SLCO5A1: variants seen among roughly 807,000 people sequenced by gnomAD.
The protein encoded by SLCO5A1 is solute carrier organic anion transporter family member 5A1.
Under a neutral mutation model 65.1 loss-of-function variants are expected in SLCO5A1, and 39 were observed. The ratio of observed to expected loss-of-function variants is 0.60; its 90% CI spans 0.46 to 0.78. The LOEUF (loss-of-function observed/expected upper bound fraction) is 0.78, where lower values mean the gene tolerates loss of function less well. SLCO5A1 is among the 30% of genes least tolerant of loss of function. The pLI is 0.00. For missense variants in SLCO5A1, 1,029 were observed against 1,069.4 expected (o/e 0.96, Z 0.53); for synonymous variants, 438 against 415.7 (o/e 1.05, Z -0.65).
At chr8:69,794,898 G>T (rs1819426962) in intron 2 of SLCO5A1, among the ~76,000 whole-genome samples, 1 of 152,180 alleles carries the variant, frequency 6.6e-6, no homozygotes, top group Non-Finnish European at 1.5e-5. Context: ...GGAGAAGCTG[G>T]TTCTTCACAT....
chr8:69,712,326 T>C (rs1815305088), intron 5 of SLCO5A1, among the ~76,000 whole-genome samples: 1 of 152,248 alleles, frequency 6.6e-6, no homozygotes, highest in South Asian at 2.1e-4. Flanking sequence ...GTTTTTATTC[T>C]GGACCCCAAT....
chr8:69,785,176 AT>A (rs1457575967), intron 2 of SLCO5A1, among the ~76,000 whole-genome samples: 4 of 152,140 alleles, frequency 2.6e-5, no homozygotes, highest in Non-Finnish European at 4.4e-5. Flanking sequence ...ACAAATTAAA[AT>A]ACATGTTCAC....
At chr8:69,749,242 C>A (rs1318857704) in intron 4 of SLCO5A1, among the ~76,000 whole-genome samples, 1 of 152,198 alleles carries the variant, frequency 6.6e-6, no homozygotes, top group Non-Finnish European at 1.5e-5. Flanking sequence ...TAGTTCCTCT[C>A]CCCATTATCT....
At chr8:69,740,126 A>T (rs1315765561) in intron 4 of SLCO5A1, among the ~76,000 whole-genome samples, 1 of 152,234 alleles carries the variant, frequency 6.6e-6, no homozygotes, top group African/African-American at 2.4e-5. Flanking sequence ...TTTATTAAAA[A>T]AGTCTGCTGT....
intron 2 of SLCO5A1, among the ~76,000 whole-genome samples, chr8:69,821,803 C>T (rs1485369752): frequency 1.0e-5 from 1 of 95,794 alleles, no homozygotes; most frequent in African/African-American, 5.0e-5. Context: ...GAGACTTTGT[C>T]TCAAAAAAAA....
chr8:69,808,868 GC>G (rs1335512401), intron 2 of SLCO5A1, among the ~76,000 whole-genome samples: 5 of 152,184 alleles, frequency 3.3e-5, no homozygotes, highest in Admixed American at 3.3e-4. Context: ...ACTTTGGGAG[GC>G]CGAGGCAGGT....
chr8:69,765,344 A>G (rs1818013016), intron 2 of SLCO5A1, among the ~76,000 whole-genome samples: 2 of 151,942 alleles, frequency 1.3e-5, no homozygotes, highest in African/African-American at 4.8e-5. Context: ...TATTACAGTT[A>G]TATAAGAATG....
chr8:69,732,976 A>G (rs150764683), intron 5 of SLCO5A1, among the ~76,000 whole-genome samples: 1 of 152,008 alleles, frequency 6.6e-6, no homozygotes, highest in Non-Finnish European at 1.5e-5. Context: ...TTTGCCTTTC[A>G]GCAAGTTACT....
rs2380581 is a variant in SLCO5A1, at chr8:69,715,992, G to A, written c.1424-10763C>T. 5.9e-5 allele frequency among the ~76,000 whole-genome samples: 9 copies of A among 151,748 alleles called. No homozygotes were observed. In the East Asian group the frequency reaches 1.7e-3, roughly 29 times the overall value. On this transcript the variant is annotated intron_variant, in intron 5 of 9. Coordinates refer to ENST00000260126, the MANE Select transcript of SLCO5A1 (RefSeq NM_030958.3). ...ATCACACCCAGCCCTCCCTTGCCCC[G>A]CACTGCTCCAGCCCGAGACAATCAC...
rs78047178 is a variant in SLCO5A1 at position 69,712,755 on chromosome 8, C to T, written c.1424-7526G>A. On this transcript the variant is annotated intron_variant, in intron 5 of 9. Coordinates refer to ENST00000260126, the MANE Select transcript of SLCO5A1 (RefSeq NM_030958.3). ...TTTCAGTATCCTCCTATTTATTTAG[C>T]ACTGACCAACGCCTAGTGTGTGTTT... 1.1e-3 allele frequency among the ~76,000 whole-genome samples: 168 copies of T among 152,288 alleles called. No homozygotes were observed. In the East Asian group the frequency reaches 0.022, roughly 20 times the overall value.
chr8:69,682,331 G>A lies in SLCO5A1; in HGVS notation c.1635C>T (p.Thr545=). 10 of 1,603,118 alleles carry A rather than the reference G, an allele frequency of 6.2e-6. No individual in the cohort carries two copies. The highest frequency in any genetic ancestry group is 1.1e-5 in the South Asian group (1 of 88,884). Residue 545 remains threonine, a synonymous_variant, in exon 7 of 10, where the codon ACC becomes ACT. Coordinates refer to ENST00000260126, the MANE Select transcript of SLCO5A1 (RefSeq NM_030958.3). ...NIPYTTGPSL[T]MPHRNLTGSC... ...TTCCTGTCAGATTCCTATGGGGCAT[G>A]GTGAGAGAAGGTCTAAGAGAGAAGA...
intron 6 of SLCO5A1, among the ~76,000 whole-genome samples, chr8:69,691,031 G>T (rs1039469079): frequency 2.6e-5 from 4 of 152,090 alleles, no homozygotes; most frequent in Non-Finnish European, 5.9e-5. Context: ...TGAAGAAAAG[G>T]CAGAGTGAGG....
At chr8:69,808,308 ATCT>A (rs1447981362) in intron 2 of SLCO5A1, among the ~76,000 whole-genome samples, 1 of 151,766 alleles carries the variant, frequency 6.6e-6, no homozygotes, top group Non-Finnish European at 1.5e-5. Flanking sequence ...GTTTTTCCTG[ATCT>A]TCTCCCTCCT....
intron 6 of SLCO5A1, among the ~76,000 whole-genome samples, chr8:69,684,302 G>A (rs886548586): frequency 7.9e-5 from 12 of 152,260 alleles, no homozygotes; most frequent in South Asian, 4.2e-4. Flanking sequence ...GGTGCTACGG[G>A]CATCTAATGG....
intron 2 of SLCO5A1, among the ~76,000 whole-genome samples, chr8:69,806,780 T>C (rs1352697483): frequency 2.0e-5 from 3 of 152,226 alleles, no homozygotes; most frequent in Non-Finnish European, 2.9e-5. Context: ...GGCAGACAAT[T>C]GTGCAACTCA....
At chr8:69,688,737 T>C (rs1054075620) in intron 6 of SLCO5A1, among the ~76,000 whole-genome samples, 31 of 152,296 alleles carry the variant, frequency 2.0e-4, no homozygotes, top group African/African-American at 7.0e-4. Context: ...CAGTCTATCA[T>C]TGTTGGACAT....
intron 2 of SLCO5A1, among the ~76,000 whole-genome samples, chr8:69,820,460 G>A (rs1347050963): frequency 6.6e-6 from 1 of 152,112 alleles, no homozygotes; most frequent in Non-Finnish European, 1.5e-5. Context: ...ATCTTTCATT[G>A]TATATATCAC....
intron 2 of SLCO5A1, among the ~76,000 whole-genome samples, chr8:69,775,553 A>C (rs76088342): frequency 0.021 from 3,235 of 152,354 alleles, 58 homozygotes; most frequent in Non-Finnish European, 0.032. Flanking sequence ...GTTATCAGGA[A>C]GGCATGTAAA....
intron 5 of SLCO5A1, among the ~76,000 whole-genome samples, chr8:69,719,034 G>T (rs1815697466): frequency 6.6e-6 from 1 of 152,194 alleles, no homozygotes; most frequent in Non-Finnish European, 1.5e-5. Context: ...TGATACTCCA[G>T]TTGTACACTG....
Sources: allele counts gnomAD v4.1 joint callset (sites outside exome capture counted in the v4.1 genomes callset), GRCh38; gene constraint gnomAD v4.1.1; transcripts MANE v1.5; gene names NCBI Gene and HGNC (gene_info 2026-07-23, HGNC 2026-07-21).